Variants in KIF22 observed in about 807,000 individuals in gnomAD.
KIF22 encodes kinesin family member 22.
Under a neutral mutation model 73.0 loss-of-function variants are expected in KIF22, and 62 were observed. The observed-to-expected ratio is 0.85, with a 90% CI of 0.69 to 1.05. The LOEUF (loss-of-function observed/expected upper bound fraction) is 1.05. Ranked by LOEUF, KIF22 falls within the 50% of genes least tolerant of loss-of-function variation. The probability of loss-of-function intolerance (pLI) is 0.00; values close to 1 mark genes in which losing one functional copy is unlikely to be tolerated. For missense variants in KIF22, 854 were observed against 870.1 expected (o/e 0.98, Z 0.23); for synonymous variants, 411 against 340.1 (o/e 1.21, Z -2.29).
chr16:29,795,970 G>A (rs1323615192), intron 1 of KIF22, among the ~76,000 whole-genome samples: 2 of 151,944 alleles, frequency 1.3e-5, no homozygotes, highest in South Asian at 2.1e-4. Flanking sequence ...AGAAACCCCA[G>A]TTAAGAAATG....
chr16:29,801,422 G>T (rs1479753577), intron 8 of KIF22, among the ~76,000 whole-genome samples: 2 of 152,152 alleles, frequency 1.3e-5, no homozygotes, highest in Non-Finnish European at 2.9e-5. Context: ...CTGTCCCAGG[G>T]GGCTACTGTA....
Position 29,800,062 on chromosome 16 carries a change from C to A in KIF22, c.1280+14C>A, listed in dbSNP as rs755084025. The A allele has an allele frequency of 2.5e-6, 4 of 1,604,064 alleles. No homozygotes were observed. Among genetic ancestry groups the A allele is most frequent in the South Asian group, 2.2e-5 (2 of 90,592 alleles). ...CCAGAAACTCAGGTGAGCAGTGGGG[C>A]CTTGGGTGTATCCCCTTCCTGATGT... On this transcript the variant is annotated intron_variant, in intron 8 of 13. Coordinates refer to ENST00000160827, the MANE Select transcript of KIF22 (RefSeq NM_007317.3).
chr16:29,798,423 G>A lies in KIF22; in HGVS notation c.316G>A (p.Gly106Ser). Residue 106 changes from glycine to serine, a missense_variant, in exon 3 of 14, where the codon GGT (glycine) becomes AGT (serine). Coordinates refer to ENST00000160827, the MANE Select transcript of KIF22 (RefSeq NM_007317.3). The surrounding 1 kb of genome is among the most constrained non-coding windows in gnomAD (Gnocchi z 4.1). ...ERSTQQDIYA[G>S]SVQPILRHLL... ...GAGTACTCAGCAGGACATCTATGCA[G>A]GTTCAGTGCAGCCCATCCTAAGGCA... 1 of 1,613,860 alleles carries A rather than the reference G, an allele frequency of 6.2e-7. No homozygotes were observed. Among genetic ancestry groups the A allele is most frequent in the Non-Finnish European group, 8.5e-7 (1 of 1,179,998 alleles).
In KIF22 at chr16:29,804,877, A is replaced by T; in HGVS notation, c.1741A>T (p.Ser581Cys). The part of the protein sequence containing the change: ...KAEDCWELQI[S>C]PELLAHGRQK... ...TGAGGACTGCTGGGAGCTACAGATC[A>T]GCCCGGAGCTACTGGCTCATGGGCG... The change falls in exon 12 of 14, where the codon AGC (serine) becomes TGC (cysteine). Residue 581 changes from serine (S) to cysteine (C), a missense_variant. This residue lies in a region of KIF22 where 423 missense variants were observed against 365.4 expected (regional missense o/e 1.16). Transcript: ENST00000160827. 6.2e-7 allele frequency: 1 copy of T among 1,613,946 alleles called. No homozygotes were observed. The highest frequency in any genetic ancestry group is 1.1e-5 in the South Asian group (1 of 91,052).
In KIF22 at chr16:29,805,316, G is replaced by T. The variant is rs1444527650; in HGVS notation, c.*6G>T. 1 of 1,612,706 alleles carries T rather than the reference G, an allele frequency of 6.2e-7. No homozygotes were observed. The highest frequency in any genetic ancestry group is 1.7e-5 in the Admixed American group (1 of 60,024). On this transcript the variant is annotated 3_prime_UTR_variant, in exon 14 of 14. Transcript: ENST00000160827. ...AGCGCTGTGGCGCCTCCTGACCGTC[G>T]TCTCCTCACTCCGCCTTTTCAAATT... is the stretch of plus-strand genomic sequence containing the variant.
intron 11 of KIF22, 45 bp downstream of exon 11, chr16:29,804,110 A>T (rs772388305): frequency 6.7e-7 from 1 of 1,485,954 alleles, no homozygotes; most frequent in Non-Finnish European, 9.4e-7. Context: ...GCCCAGAAGT[A>T]AGGGGGAGTA....
rs1567361296 is a variant in KIF22, at chr16:29,802,760, T to C, written c.1281-9T>C. On this transcript the variant is annotated splice_polypyrimidine_tract_variant and intron_variant, in intron 8 of 13. Transcript: ENST00000160827. ...AGGTAGGTGGGGAGCAACTTCTTTTTCTGCTCAGCCCCCTACAGAAGCTAA... is the reference window on the plus strand; with the variant it reads ...AGGTAGGTGGGGAGCAACTTCTTTTCCTGCTCAGCCCCCTACAGAAGCTAA... 3 of 1,541,826 alleles carry C rather than the reference T, an allele frequency of 1.9e-6. No homozygotes were observed. The highest frequency in any genetic ancestry group is 2.6e-6 in the Non-Finnish European group (3 of 1,148,806).
At chr16:29,802,707 C>G in intron 8 of KIF22, 62 bp from the exon 9 acceptor site, 1 of 1,456,166 alleles carries the variant, frequency 6.9e-7, no homozygotes, top group Non-Finnish European at 9.1e-7. Flanking sequence ...GAGGGGAGTC[C>G]TGCTGCTGTA....
chr16:29,795,190 T>C (rs889932518), intron 1 of KIF22, among the ~76,000 whole-genome samples: 5 of 152,154 alleles, frequency 3.3e-5, no homozygotes, highest in Non-Finnish European at 7.4e-5. Flanking sequence ...CATCTGCAGG[T>C]TTTTACCTGC....
chr16:29,795,783 C>T (rs1335831928), intron 1 of KIF22, among the ~76,000 whole-genome samples: 1 of 151,702 alleles, frequency 6.6e-6, no homozygotes, highest in Non-Finnish European at 1.5e-5. Context: ...TAAAACAAAA[C>T]AAAACAAAAA....
At position 29,798,647 on chromosome 16, in the gene KIF22, C is replaced by A; in HGVS notation, c.449C>A (p.Ala150Asp). The A allele has an allele frequency of 6.2e-7, 1 of 1,614,170 alleles. No individual in the cohort carries two copies. Among genetic ancestry groups the A allele is most frequent in the Non-Finnish European group, 8.5e-7 (1 of 1,180,040 alleles). ...GAGCAACCTGGGGTGATCCCGCGGG[C>A]TCTCATGGACCTCCTGCAGCTCACA... ...SPEQPGVIPR[A>D]LMDLLQLTRE... Residue 150 changes from alanine (A) to aspartate (D), a missense_variant, in exon 4 of 14, where the codon GCT (alanine) becomes GAT (aspartate). Ala to Asp is a moderately radical substitution (Grantham distance 126, BLOSUM62 -2). Coordinates refer to ENST00000160827, the MANE Select transcript of KIF22 (RefSeq NM_007317.3). The surrounding 1 kb of genome is among the most constrained non-coding windows in gnomAD (Gnocchi z 4.1).
rs774657937 is a variant in KIF22 at position 29,790,777 on chromosome 16, G to A, written c.18G>A (p.Ser6=). Residue 6 remains serine (S), a synonymous_variant, in exon 1 of 14, where the codon TCG becomes TCA. Coordinates refer to ENST00000160827, the MANE Select transcript of KIF22 (RefSeq NM_007317.3). MAAGG[S]TQQRRREMAA... ...GGAGTGGAATGGCCGCGGGCGGCTC[G>A]ACGCAGCAGAGGCGACGCGAGATGG... 6.3e-6 allele frequency: 10 copies of A among 1,599,960 alleles called. No individual in the cohort carries two copies. The highest frequency in any genetic ancestry group is 1.3e-5 in the African/African-American group (1 of 74,758).
At position 29,798,287 on chromosome 16, in the gene KIF22, A is replaced by G; in HGVS notation, c.267-87A>G. ...GGTCCAGATGAGAGTAGAATCCCTTACCCACCCCCACCCCACTCCACCCCT... is the reference window on the plus strand; with the variant it reads ...GGTCCAGATGAGAGTAGAATCCCTTGCCCACCCCCACCCCACTCCACCCCT... On this transcript the variant is annotated intron_variant, in intron 2 of 13. Coordinates refer to ENST00000160827, the MANE Select transcript of KIF22 (RefSeq NM_007317.3). This position sits in a 1 kb window ranked among gnomAD's most constrained non-coding sequence, Gnocchi z 4.1. 8.6e-4 allele frequency: 507 copies of G among 589,804 alleles called. No individual in the cohort carries two copies. Among genetic ancestry groups the G allele is most frequent in the Non-Finnish European group, 1.3e-3 (462 of 342,808 alleles). The allele number at this position is 589,804 out of a possible 1,614,324, so 36.5% of individuals were successfully genotyped here. A position where few individuals can be genotyped will look rare whatever the true frequency, so the allele number is the denominator to read the frequency against.
rs141198653 is a variant in KIF22, at chr16:29,804,954, T to G, written c.1818T>G (p.Ser606Arg). ...LNEGSARDLR[S>R]LQRIGPKKAQ... ...AAGGCTCAGCCCGAGATCTCCGCAG[T>G]CTTCAGCGCATTGGCCCGAAGAAGG... Residue 606 changes from serine (S) to arginine (R), a missense_variant, in exon 12 of 14, where the codon AGT (serine) becomes AGG (arginine). By Grantham distance (110) the Ser-to-Arg change is moderately radical (BLOSUM62 -1). Coordinates refer to ENST00000160827, the MANE Select transcript of KIF22 (RefSeq NM_007317.3). The G allele has an allele frequency of 2.5e-5, 40 of 1,613,018 alleles. No homozygotes were observed. The highest frequency in any genetic ancestry group is 3.4e-5 in the Non-Finnish European group (40 of 1,179,764).
intron 1 of KIF22, among the ~76,000 whole-genome samples, chr16:29,795,726 A>C (rs1349173180): frequency 1.3e-5 from 2 of 152,006 alleles, no homozygotes; most frequent in Non-Finnish European, 2.9e-5. Context: ...TTTAAGTTTT[A>C]TCTTCATTGT....
At chr16:29,801,302 C>G (rs1426424050) in intron 8 of KIF22, among the ~76,000 whole-genome samples, 1 of 152,188 alleles carries the variant, frequency 6.6e-6, no homozygotes, top group Non-Finnish European at 1.5e-5. Context: ...CTCCACCCCC[C>G]AGGAGCCAGT....
intron 11 of KIF22, 60 bp from the exon 12 acceptor site, chr16:29,804,754 G>T: frequency 7.2e-7 from 1 of 1,385,864 alleles, no homozygotes; most frequent in Non-Finnish European, 1.0e-6. Flanking sequence ...CCTAGTCTTG[G>T]CAGAGGAGCC....
Position 29,798,075 on chromosome 16 carries a change from G to C in KIF22, c.267-299G>C, listed in dbSNP as rs1469754602. Among the ~76,000 whole-genome samples the C allele has an allele frequency of 6.6e-6, 1 of 152,150 alleles. No homozygotes were observed. Among genetic ancestry groups the C allele is most frequent in the South Asian group, 2.1e-4 (1 of 4,814 alleles). On this transcript the variant is annotated intron_variant, in intron 2 of 13. Transcript: ENST00000160827. This position sits in a 1 kb window ranked among gnomAD's most constrained non-coding sequence, Gnocchi z 4.1. Reference sequence around the variant, plus strand: ...CCTTTGAGAGTGTGTTCTTATCTTCGTTTCCTAAATCACAGCAAAGTGTGG... The same window carrying C: ...CCTTTGAGAGTGTGTTCTTATCTTCCTTTCCTAAATCACAGCAAAGTGTGG...
chr16:29,791,632 T>C (rs1275515434), intron 1 of KIF22, among the ~76,000 whole-genome samples: 1 of 152,226 alleles, frequency 6.6e-6, no homozygotes, highest in Non-Finnish European at 1.5e-5. Flanking sequence ...GGCACAGTTG[T>C]AGGCATTTTA....
Sources: allele counts gnomAD v4.1 joint callset (sites outside exome capture counted in the v4.1 genomes callset), GRCh38; gene constraint gnomAD v4.1.1; regional missense constraint gnomAD v4.1.1; non-coding constraint Gnocchi (gnomAD v3.1); transcripts MANE v1.5; gene names NCBI Gene and HGNC (gene_info 2026-07-23, HGNC 2026-07-21).